Variants in IL1RAPL2 observed in about 807,000 individuals in gnomAD.
The protein encoded by IL1RAPL2 is X-linked interleukin-1 receptor accessory protein-like 2.
IL1RAPL2 carries 3 observed loss-of-function variants against 44.1 expected under a neutral mutation model. The ratio of observed to expected loss-of-function variants is 0.07; its 90% CI spans 0.03 to 0.18. The LOEUF is 0.18. Among genes scored for constraint, IL1RAPL2 ranks in the 10% least tolerant of loss-of-function variants. IL1RAPL2 has a pLI of 1.00. For synonymous variants in IL1RAPL2, 181 were observed against 178.8 expected, an observed-to-expected ratio of 1.01 and a Z score of -0.10; for missense variants, 391 against 496.4, an observed-to-expected ratio of 0.79 and a Z score of 2.02.
At chrX:105,660,106 G>A (rs1179911933) in intron 6 of IL1RAPL2, among the ~76,000 whole-genome samples, 1 of 111,331 alleles carries the variant, frequency 9.0e-6, no homozygotes, top group African/African-American at 3.3e-5. Context: ...AAAGGTCAAG[G>A]ATGAAGAAAT....
At chrX:104,756,737 G>A (rs1377695766) in intron 2 of IL1RAPL2, among the ~76,000 whole-genome samples, 3 of 110,145 alleles carry the variant, frequency 2.7e-5, no homozygotes, top group Non-Finnish European at 5.7e-5. Context: ...GGAGATTGAA[G>A]TGTATGGATA....
chrX:105,596,346 T>C (rs188653925), intron 6 of IL1RAPL2, among the ~76,000 whole-genome samples: 4 of 111,262 alleles, frequency 3.6e-5, no homozygotes, highest in Non-Finnish European at 7.6e-5. Context: ...TTATTTTTTT[T>C]TGTCTTGTCT....
chrX:105,235,973 A>G (rs1047640118), intron 4 of IL1RAPL2, among the ~76,000 whole-genome samples: 5 of 112,389 alleles, frequency 4.4e-5, no homozygotes, highest in Non-Finnish European at 5.6e-5. Flanking sequence ...CTCTCCGGCA[A>G]TGGGCCTGGG....
Position 105,115,925 on chromosome X carries a change from A to G in IL1RAPL2, c.83-79550A>G, listed in dbSNP as rs1410640165. On this transcript the variant is annotated intron_variant, in intron 2 of 10. Transcript: ENST00000372582. Reference sequence around the variant, plus strand: ...AGAGAGGCAGCTAAGGCCTGGCGAGAAATCAAGCACAGCAGCTGCTGGCCC... The same window carrying G: ...AGAGAGGCAGCTAAGGCCTGGCGAGGAATCAAGCACAGCAGCTGCTGGCCC... Among the ~76,000 whole-genome samples, 3 of 113,241 alleles carry G rather than the reference A, an allele frequency of 2.6e-5. No homozygotes were observed. The East Asian group carries it at 8.5e-4, about 32-fold the overall frequency.
chrX:105,300,952 G>A (rs6652397), intron 5 of IL1RAPL2, among the ~76,000 whole-genome samples: 11,555 of 111,476 alleles, frequency 0.1, 1,483 homozygotes, highest in African/African-American at 0.36. Flanking sequence ...GTATAAGTCA[G>A]AGAAATGGAA....
intron 2 of IL1RAPL2, among the ~76,000 whole-genome samples, chrX:104,703,394 T>G (rs769414457): frequency 3.9e-4 from 44 of 112,003 alleles, no homozygotes; most frequent in Admixed American, 1.2e-3. Context: ...GCTCTTTGTG[T>G]GTTTCCACTA....
At chrX:104,985,061 G>T (rs1276631619) in intron 2 of IL1RAPL2, among the ~76,000 whole-genome samples, 2 of 106,991 alleles carry the variant, frequency 1.9e-5, no homozygotes, top group Non-Finnish European at 3.9e-5. Flanking sequence ...AAAGCATAGT[G>T]CTTGTTTATC....
intron 2 of IL1RAPL2, among the ~76,000 whole-genome samples, chrX:104,705,612 C>T (rs1052944103): frequency 3.6e-5 from 4 of 111,690 alleles, no homozygotes; most frequent in East Asian, 2.8e-4. Context: ...TCCAACTGCA[C>T]GAAATGGAAC....
intron 6 of IL1RAPL2, among the ~76,000 whole-genome samples, chrX:105,494,290 A>AG (rs2036341253): frequency 9.0e-6 from 1 of 111,699 alleles, no homozygotes; most frequent in Admixed American, 9.5e-5. Context: ...GATCTGGAAA[A>AG]GAAAAAAAAA....
At chrX:104,961,402 G>A (rs73533308) in intron 2 of IL1RAPL2, among the ~76,000 whole-genome samples, 2,212 of 111,558 alleles carry the variant, frequency 0.02, 51 homozygotes, top group African/African-American at 0.069. Context: ...TGAGTTGCTG[G>A]ATCCTTTGTT....
intron 7 of IL1RAPL2, among the ~76,000 whole-genome samples, chrX:105,730,139 A>G (rs113845250): frequency 0.043 from 4,740 of 111,141 alleles, 270 homozygotes; most frequent in African/African-American, 0.15. Context: ...ACCTGTAGAG[A>G]CACATATAGA....
At chrX:104,867,420 G>A (rs763358843) in intron 2 of IL1RAPL2, among the ~76,000 whole-genome samples, 30 of 111,034 alleles carry the variant, frequency 2.7e-4, no homozygotes, top group African/African-American at 7.9e-4. Context: ...AATATTGGCT[G>A]CTTAAGTTAC....
At chrX:104,934,786 C>T (rs919874376) in intron 2 of IL1RAPL2, among the ~76,000 whole-genome samples, 9 of 112,161 alleles carry the variant, frequency 8.0e-5, no homozygotes, top group African/African-American at 2.9e-4. Flanking sequence ...GTCATAGATG[C>T]TACTGCAAAT....
At chrX:104,677,832 G>A (rs905135789) in intron 2 of IL1RAPL2, among the ~76,000 whole-genome samples, 1 of 112,128 alleles carries the variant, frequency 8.9e-6, no homozygotes, top group Non-Finnish European at 1.9e-5. Context: ...GAAAAGCGCG[G>A]TATTCGGGTG....
At chrX:105,304,537 A>G (rs1736870) in intron 5 of IL1RAPL2, among the ~76,000 whole-genome samples, 28,804 of 111,663 alleles carry the variant, frequency 0.26, 7,101 homozygotes, top group African/African-American at 0.79. Flanking sequence ...CAATGGGGAT[A>G]CAAATCAGTT....
intron 2 of IL1RAPL2, among the ~76,000 whole-genome samples, chrX:104,700,807 A>T (rs1271382702): frequency 2.7e-5 from 3 of 111,899 alleles, no homozygotes; most frequent in Non-Finnish European, 5.6e-5. Context: ...TACCATAGTC[A>T]TAAGAGCTAC....
At chrX:104,770,231 T>C (rs978262987) in intron 2 of IL1RAPL2, among the ~76,000 whole-genome samples, 1 of 111,467 alleles carries the variant, frequency 9.0e-6, no homozygotes, top group Admixed American at 9.6e-5. Flanking sequence ...TTCCAAGCCA[T>C]GTTTTAGAAA....
At chrX:105,194,959 TAAG>T (rs1556139797) in intron 2 of IL1RAPL2, among the ~76,000 whole-genome samples, 1 of 110,869 alleles carries the variant, frequency 9.0e-6, no homozygotes, top group Non-Finnish European at 1.9e-5. Context: ...ATTTGTAAAA[TAAG>T]AAGAAAAGCC....
intron 3 of IL1RAPL2, chrX:105,219,848 C>A: frequency 1.0e-6 from 1 of 967,832 alleles, no homozygotes; most frequent in Non-Finnish European, 1.4e-6. Context: ...GTGGGAAGGG[C>A]GGGGCAGGGC....
Sources: gnomAD v4.1 joint callset for allele counts (sites outside exome capture counted in the v4.1 genomes callset) on GRCh38, gnomAD v4.1.1 for gene constraint, MANE v1.5 for transcripts, NCBI Gene and HGNC (gene_info 2026-07-23, HGNC 2026-07-21) for gene names.